TPP2: variants seen among roughly 807,000 people sequenced by gnomAD.
The protein encoded by TPP2 is tripeptidyl peptidase 2, also known as tripeptidyl-peptidase 2.
In TPP2, 34 loss-of-function variants were observed where a neutral mutation model predicts 155.9. The ratio of observed to expected loss-of-function variants is 0.22; its 90% CI spans 0.17 to 0.29. TPP2 has a LOEUF of 0.29. TPP2 is among the 10% of genes least tolerant of loss of function. TPP2 has a pLI of 1.00. For synonymous variants in TPP2, 510 were observed against 529.4 expected (o/e 0.96, Z 0.50); for missense variants, 1,028 against 1,522.3 (o/e 0.68, Z 5.40).
intron 27 of TPP2, among the ~76,000 whole-genome samples, chr13:102,667,082 G>A (rs1884657310): frequency 6.6e-6 from 1 of 152,064 alleles, no homozygotes; most frequent in African/African-American, 2.4e-5. Flanking sequence ...GAAATACTTA[G>A]CATTTCTTAC....
chr13:102,637,312 A>G, intron 14 of TPP2, 73 bp downstream of exon 14: 2 of 1,473,822 alleles, frequency 1.4e-6, no homozygotes, highest in African/African-American at 1.4e-5. Flanking sequence ...AATCCAAAGT[A>G]TATTTGCAAT....
chr13:102,635,950 T>C (rs1595170713), intron 12 of TPP2, among the ~76,000 whole-genome samples: 1 of 151,932 alleles, frequency 6.6e-6, no homozygotes, highest in Non-Finnish European at 1.5e-5. Context: ...GAAATCGAGG[T>C]CAAAAACTGG....
chr13:102,643,225 T>C lies in TPP2; in HGVS notation c.2024T>C (p.Val675Ala), dbSNP rs1176074607. 6.3e-7 allele frequency: 1 copy of C among 1,591,212 alleles called. No homozygotes were observed. The highest frequency in any genetic ancestry group is 1.7e-4 in the Middle Eastern group (1 of 5,976). ...EVPEGATWAE[V>A]TVCSCSSEVS... ...GCTTCTTTCTTTCTTATTTTAGAAG[T>C]GACAGTGTGTTCGTGTTCTTCTGAG... Residue 675 changes from valine (V) to alanine (A), a missense_variant, in exon 17 of 30, where the codon GTG becomes GCG. Physicochemically the swap from Val to Ala is moderately conservative, Grantham distance 64. Coordinates refer to ENST00000376052, the MANE Select transcript of TPP2 (RefSeq NM_001330588.2).
At chr13:102,669,102 C>A (rs1884802496) in intron 27 of TPP2, among the ~76,000 whole-genome samples, 1 of 152,158 alleles carries the variant, frequency 6.6e-6, no homozygotes, top group Non-Finnish European at 1.5e-5. Context: ...CTGTTTATAT[C>A]TTTCCATAAA....
intron 2 of TPP2, among the ~76,000 whole-genome samples, chr13:102,610,474 C>T (rs568654810): frequency 6.0e-4 from 91 of 152,302 alleles, no homozygotes; most frequent in African/African-American, 2.1e-3. Flanking sequence ...AGGTGATCCA[C>T]CCACTTCGGC....
chr13:102,614,006 T>C, intron 2 of TPP2, 95 bp from the exon 3 acceptor site: 2 of 1,021,534 alleles, frequency 2.0e-6, no homozygotes, highest in Non-Finnish European at 2.9e-6. Context: ...TTAAGCTTAT[T>C]AGAGTAGAAG....
chr13:102,646,931 T>C (rs556138757), intron 20 of TPP2, among the ~76,000 whole-genome samples: 2 of 152,354 alleles, frequency 1.3e-5, no homozygotes, highest in African/African-American at 4.8e-5. Context: ...AATTTTCACA[T>C]TTCAGTTTTA....
At chr13:102,616,925 T>G (rs564671577) in intron 4 of TPP2, among the ~76,000 whole-genome samples, 50 of 152,146 alleles carry the variant, frequency 3.3e-4, no homozygotes, top group South Asian at 1.9e-3. Context: ...TTTGTTTTTT[T>G]TTTTTGAGAC....
chr13:102,660,557 A>T (rs1274447136), intron 25 of TPP2, among the ~76,000 whole-genome samples: 1 of 152,250 alleles, frequency 6.6e-6, no homozygotes, highest in Non-Finnish European at 1.5e-5. Flanking sequence ...ATATCATTAC[A>T]CTATTCTTCA....
intron 20 of TPP2, among the ~76,000 whole-genome samples, chr13:102,646,872 A>G (rs781776632): frequency 6.6e-6 from 1 of 152,238 alleles, no homozygotes; most frequent in Non-Finnish European, 1.5e-5. Flanking sequence ...TGTTACTGAA[A>G]CACACATCAG....
intron 24 of TPP2, among the ~76,000 whole-genome samples, chr13:102,654,134 C>G (rs1883689001): frequency 6.6e-6 from 1 of 152,020 alleles, no homozygotes; most frequent in African/African-American, 2.4e-5. Flanking sequence ...TGAGAATTGT[C>G]ATAAAAATAT....
At chr13:102,651,150 A>G (rs1044859140) in intron 23 of TPP2, among the ~76,000 whole-genome samples, 6 of 152,214 alleles carry the variant, frequency 3.9e-5, no homozygotes, top group African/African-American at 1.4e-4. Flanking sequence ...ACTCTTAGTA[A>G]TAACATATTT....
intron 24 of TPP2, among the ~76,000 whole-genome samples, chr13:102,654,517 A>G (rs545932411): frequency 6.6e-6 from 1 of 152,248 alleles, no homozygotes; most frequent in South Asian, 2.1e-4. Context: ...GTTCATTTTA[A>G]ATTCAATTCT....
chr13:102,654,010 A>G (rs972475859), intron 24 of TPP2, among the ~76,000 whole-genome samples: 1 of 152,174 alleles, frequency 6.6e-6, no homozygotes, highest in East Asian at 1.9e-4. Context: ...AGAAATCTTC[A>G]TAGCATTTCT....
At chr13:102,618,417 A>T (rs2139450524) in intron 4 of TPP2, among the ~76,000 whole-genome samples, 1 of 152,350 alleles carries the variant, frequency 6.6e-6, no homozygotes, top group South Asian at 2.1e-4. Context: ...TGTAACAAGC[A>T]TATCTTGGCT....
chr13:102,620,627 A>G lies in TPP2; in HGVS notation c.620+1781A>G, dbSNP rs1299192800. Among the ~76,000 whole-genome samples, 6 of 152,246 alleles carry G rather than the reference A, an allele frequency of 3.9e-5. No individual in the cohort carries two copies. In the East Asian group the frequency reaches 9.7e-4, roughly 25 times the overall value. ...TGGGTTTTTTGTTTTGTTTTGTTTG[A>G]TGACGAATGTCCAGTCTGTGCTCTC... On this transcript the variant is annotated intron_variant, in intron 5 of 29. Coordinates refer to ENST00000376052, the MANE Select transcript of TPP2 (RefSeq NM_001330588.2).
intron 29 of TPP2, among the ~76,000 whole-genome samples, chr13:102,677,303 G>A (rs971605725): frequency 6.6e-6 from 1 of 152,112 alleles, no homozygotes; most frequent in African/African-American, 2.4e-5. Flanking sequence ...ACTTAGGTTT[G>A]TAAAGCCAGT....
intron 25 of TPP2, among the ~76,000 whole-genome samples, chr13:102,660,759 T>A (rs1423936439): frequency 6.6e-6 from 1 of 152,206 alleles, no homozygotes; most frequent in Non-Finnish European, 1.5e-5. Flanking sequence ...AAGACAGTGT[T>A]ATACTGGCAC....
chr13:102,611,301 A>T (rs1595138396), intron 2 of TPP2, among the ~76,000 whole-genome samples: 1 of 152,262 alleles, frequency 6.6e-6, no homozygotes, highest in South Asian at 2.1e-4. Context: ...TCACTAGGTC[A>T]TGCCAAACAG....
Sources: gnomAD v4.1 joint callset for allele counts (sites outside exome capture counted in the v4.1 genomes callset) on GRCh38, gnomAD v4.1.1 for gene constraint, MANE v1.5 for transcripts, NCBI Gene and HGNC (gene_info 2026-07-23, HGNC 2026-07-21) for gene names.